The following CACNA1E variants were observed in gnomAD, a reference collection of about 807,000 sequenced individuals.
The protein encoded by CACNA1E is calcium voltage-gated channel subunit alpha1 E.
Under a neutral mutation model 259.2 loss-of-function variants are expected in CACNA1E, and 40 were observed. The ratio of observed to expected loss-of-function variants is 0.15; its 90% CI spans 0.12 to 0.20. The LOEUF is 0.20. CACNA1E is among the 10% of genes least tolerant of loss of function. The probability of loss-of-function intolerance (pLI) is 1.00; values close to 1 mark genes in which losing one functional copy is unlikely to be tolerated. For missense variants in CACNA1E, 1,874 were observed against 3,040.1 expected, an observed-to-expected ratio of 0.62 and a Z score of 9.02; for synonymous variants, 1,104 against 1,138.5, an observed-to-expected ratio of 0.97 and a Z score of 0.61.
intron 1 of CACNA1E, among the ~76,000 whole-genome samples, chr1:181,343,899 G>A (rs1188741237): frequency 1.3e-5 from 2 of 151,688 alleles, no homozygotes; most frequent in South Asian, 2.1e-4. Context: ...CTGCCTCCCC[G>A]GCTTCTCCTC....
intron 1 of CACNA1E, among the ~76,000 whole-genome samples, chr1:181,386,593 G>C (rs1655866615): frequency 6.6e-6 from 1 of 152,210 alleles, no homozygotes; most frequent in Admixed American, 6.5e-5. Flanking sequence ...GCAGCAGCTA[G>C]CCATGGAAAC....
chr1:181,718,273 T>C (rs748468122), intron 12 of CACNA1E, 106 bp downstream of exon 12: 76 of 622,030 alleles, frequency 1.2e-4, no homozygotes, highest in African/African-American at 3.8e-4. Flanking sequence ...AATCAGAATA[T>C]GTAAAAGCGG....
chr1:181,646,132 G>A (rs1658242093), intron 6 of CACNA1E, among the ~76,000 whole-genome samples: 1 of 152,154 alleles, frequency 6.6e-6, no homozygotes, highest in Non-Finnish European at 1.5e-5. Context: ...TGGCTTTTTT[G>A]CTAGCCTATG....
intron 2 of CACNA1E, among the ~76,000 whole-genome samples, chr1:181,464,531 GAACT>G (rs1027661704): frequency 1.3e-5 from 2 of 149,626 alleles, no homozygotes; most frequent in Non-Finnish European, 3.0e-5. Flanking sequence ...AGGTGTACCA[GAACT>G]TGTACTTTTG....
intron 1 of CACNA1E, among the ~76,000 whole-genome samples, chr1:181,371,266 T>C (rs1467561587): frequency 1.3e-5 from 2 of 152,114 alleles, no homozygotes; most frequent in Non-Finnish European, 2.9e-5. Context: ...CTTTATTTTA[T>C]TTTTAAATTT....
intron 6 of CACNA1E, among the ~76,000 whole-genome samples, chr1:181,604,437 T>A (rs922706754): frequency 1.4e-4 from 22 of 152,186 alleles, no homozygotes; most frequent in Non-Finnish European, 2.5e-4. Flanking sequence ...GAAGCCCAGG[T>A]TGGCTACACT....
intron 1 of CACNA1E, among the ~76,000 whole-genome samples, chr1:181,494,394 T>A (rs1664572242): frequency 6.6e-6 from 1 of 152,146 alleles, no homozygotes; most frequent in Non-Finnish European, 1.5e-5. Context: ...TCTTTTTTTT[T>A]ATATGAATTG....
intron 16 of CACNA1E, among the ~76,000 whole-genome samples, chr1:181,722,557 G>A (rs1455039186): frequency 5.9e-5 from 9 of 152,208 alleles, no homozygotes; most frequent in South Asian, 2.1e-4. Flanking sequence ...CCTTGGGAAA[G>A]TTACTTAATG....
intron 1 of CACNA1E, among the ~76,000 whole-genome samples, chr1:181,384,278 C>T (rs1371229159): frequency 6.6e-6 from 1 of 152,186 alleles, no homozygotes; most frequent in Non-Finnish European, 1.5e-5. Context: ...TTCACCTATA[C>T]TAAAAATTCA....
chr1:181,529,551 A>G (rs566764960), intron 3 of CACNA1E, among the ~76,000 whole-genome samples: 64 of 152,336 alleles, frequency 4.2e-4, no homozygotes, highest in Non-Finnish European at 7.4e-4. Context: ...ACACCAGCCC[A>G]TGAAAGCAGC....
intron 2 of CACNA1E, among the ~76,000 whole-genome samples, chr1:181,476,305 G>A (rs898978611): frequency 2.6e-5 from 4 of 152,160 alleles, no homozygotes; most frequent in African/African-American, 9.7e-5. Context: ...TACTAGGTGG[G>A]TGTAACCAGC....
chr1:181,514,169 T>A (rs1666374703), intron 3 of CACNA1E, among the ~76,000 whole-genome samples: 2 of 152,172 alleles, frequency 1.3e-5, no homozygotes, highest in South Asian at 2.1e-4. Flanking sequence ...ATCTACCACA[T>A]TGTGTGGCTC....
intron 1 of CACNA1E, among the ~76,000 whole-genome samples, chr1:181,407,666 C>A (rs1446930375): frequency 6.6e-6 from 1 of 152,158 alleles, no homozygotes. Context: ...CCTCCTTTTT[C>A]AGTCAGGTAG....
At chr1:181,368,203 C>T in intron 1 of CACNA1E, among the ~76,000 whole-genome samples, 1 of 151,562 alleles carries the variant, frequency 6.6e-6, no homozygotes, top group Non-Finnish European at 1.5e-5. Context: ...GCACTCCAGC[C>T]TGGGTGACAA....
rs1200181052 is a variant in CACNA1E at position 181,675,407 on chromosome 1, G to A, written c.1055+23966G>A. ...TGCTAAGAGCGTGTGAGAAAATAGCGTGTGAGAAAAAATTTACCTGATGGT... is the reference window on the plus strand; with the variant it reads ...TGCTAAGAGCGTGTGAGAAAATAGCATGTGAGAAAAAATTTACCTGATGGT... On this transcript the variant is annotated intron_variant, in intron 7 of 47. Transcript: ENST00000367573. Among the ~76,000 whole-genome samples, 5 of 152,284 alleles carry A rather than the reference G, an allele frequency of 3.3e-5. 1 individual carries two copies. The Middle Eastern group carries it at 0.014, about 414-fold the overall frequency.
intron 16 of CACNA1E, among the ~76,000 whole-genome samples, chr1:181,722,122 GC>G (rs1467366592): frequency 6.6e-6 from 1 of 152,180 alleles, no homozygotes; most frequent in East Asian, 1.9e-4. Flanking sequence ...AACATAGGAG[GC>G]TGTTACATTG....
At chr1:181,620,128 C>T (rs1655594843) in intron 6 of CACNA1E, among the ~76,000 whole-genome samples, 1 of 152,010 alleles carries the variant, frequency 6.6e-6, no homozygotes, top group Non-Finnish European at 1.5e-5. Flanking sequence ...ATAGGGTTTT[C>T]TATTATATTC....
chr1:181,389,915 A>G (rs1656135475), intron 1 of CACNA1E, among the ~76,000 whole-genome samples: 1 of 152,254 alleles, frequency 6.6e-6, no homozygotes. Flanking sequence ...AATTCAGAAA[A>G]TCAATGAAGA....
chr1:181,564,860 A>G (rs1253348661), intron 3 of CACNA1E, among the ~76,000 whole-genome samples: 1 of 151,738 alleles, frequency 6.6e-6, no homozygotes. Flanking sequence ...GTACACTGTC[A>G]ATGAGCTGTA....
Sources: gnomAD v4.1 joint callset for allele counts (sites outside exome capture counted in the v4.1 genomes callset) on GRCh38, gnomAD v4.1.1 for gene constraint, MANE v1.5 for transcripts, NCBI Gene and HGNC (gene_info 2026-07-23, HGNC 2026-07-21) for gene names.